The following ALDH7A1 variants were observed in gnomAD, a reference collection of about 807,000 sequenced individuals.
The protein encoded by ALDH7A1 is aldehyde dehydrogenase 7 family member A1.
In ALDH7A1, 63 loss-of-function variants were observed where a neutral mutation model predicts 79.9. The ratio of observed to expected loss-of-function variants is 0.79; its 90% CI spans 0.64 to 0.97. The LOEUF is 0.97. Among genes scored for constraint, ALDH7A1 ranks in the 50% least tolerant of loss-of-function variants. The pLI is 0.00. For missense variants in ALDH7A1, 627 were observed against 665.2 expected (o/e 0.94, Z 0.63); for synonymous variants, 240 against 231.2 (o/e 1.04, Z -0.34).
intron 5 of ALDH7A1, chr5:126,582,637 C>T: frequency 1.7e-6 from 1 of 586,358 alleles, no homozygotes; most frequent in Non-Finnish European, 2.9e-6. Context: ...CGTGGACTTG[C>T]CAACATTAAG....
chr5:126,570,605 T>C lies in ALDH7A1; in HGVS notation c.773+177A>G, dbSNP rs899153066. 8.7e-6 allele frequency: 6 copies of C among 685,768 alleles called. No individual in the cohort carries two copies. The African/African-American group carries it at 8.9e-5, about 10-fold the overall frequency. The allele number at this position is 685,768 out of a possible 1,614,324, so 42.5% of individuals were successfully genotyped here. On this transcript the variant is annotated intron_variant, in intron 8 of 17. Transcript: ENST00000409134. ...TTAAAAAGACAATTCTTATTCATCC[T>C]CCAATAGGAGTTAGGCATTAATAAA...
chr5:126,550,303 G>C lies in ALDH7A1; in HGVS notation c.1318-10C>G. 6.3e-7 allele frequency: 1 copy of C among 1,590,418 alleles called. No individual in the cohort carries two copies. The highest frequency in any genetic ancestry group is 8.6e-7 in the Non-Finnish European group (1 of 1,159,452). On this transcript the variant is annotated splice_polypyrimidine_tract_variant and intron_variant, in intron 14 of 17. Coordinates refer to ENST00000409134, the MANE Select transcript of ALDH7A1 (RefSeq NM_001182.5). ...AGACCTCTTCTTCATTCTAAAAGGA[G>C]AGACATTGGAAGCTGTAAGATGTTA...
At chr5:126,550,979 T>C (rs1749978597) in intron 14 of ALDH7A1, among the ~76,000 whole-genome samples, 1 of 152,246 alleles carries the variant, frequency 6.6e-6, no homozygotes, top group African/African-American at 2.4e-5. Flanking sequence ...TTCTAATTTA[T>C]CCACCTGTGT....
intron 9 of ALDH7A1, among the ~76,000 whole-genome samples, chr5:126,565,416 AAAAAAAG>A: frequency 6.6e-6 from 1 of 151,012 alleles, no homozygotes. Context: ...AAAAAAAAAA[AAAAAAAG>A]ACGGCTATTC....
chr5:126,591,521 G>T (rs778833470), intron 3 of ALDH7A1, among the ~76,000 whole-genome samples: 1 of 148,234 alleles, frequency 6.7e-6, no homozygotes, highest in Non-Finnish European at 1.5e-5. Flanking sequence ...TCCCTCAGCA[G>T]TCCCACACCC....
chr5:126,561,044 C>G, intron 10 of ALDH7A1, 39 bp downstream of exon 10: 1 of 1,610,746 alleles, frequency 6.2e-7, no homozygotes, highest in Non-Finnish European at 8.5e-7. Context: ...ACTGTGGAAA[C>G]TGAACAGAAA....
At chr5:126,552,249 A>G in intron 13 of ALDH7A1, 112 bp from the exon 14 acceptor site, 1 of 737,290 alleles carries the variant, frequency 1.4e-6, no homozygotes, top group Non-Finnish European at 2.3e-6. Context: ...AGCATCATTT[A>G]TAGGTGAATT....
rs1180194887 is a variant in ALDH7A1, at chr5:126,561,964, T to C, written c.872-840A>G. The C allele has an allele frequency of 1.3e-5, 2 of 152,076 alleles. 1 individual carries two copies. The highest frequency in any genetic ancestry group is 2.9e-5 in the Non-Finnish European group (2 of 68,034). The allele number at this position is 152,076 out of a possible 1,614,324, so 9.4% of individuals were successfully genotyped here. A position where few individuals can be genotyped will look rare whatever the true frequency, so the allele number is the denominator to read the frequency against. On this transcript the variant is annotated intron_variant, in intron 9 of 17. Transcript: ENST00000409134. The stretch of plus-strand genomic sequence containing the variant: ...CAGCCTGGCCAACAGAATGAGACTG[T>C]CTCAAGTAAGTAAATAAATAAATAA...
intron 9 of ALDH7A1, among the ~76,000 whole-genome samples, chr5:126,566,044 G>A (rs922804038): frequency 6.6e-6 from 1 of 152,300 alleles, no homozygotes; most frequent in South Asian, 2.1e-4. Flanking sequence ...TCTTTTTCAA[G>A]ATTGTTTTGG....
chr5:126,589,251 A>ACTGCAAGGTC (rs1171100727), intron 3 of ALDH7A1, among the ~76,000 whole-genome samples: 1 of 152,012 alleles, frequency 6.6e-6, no homozygotes, highest in Non-Finnish European at 1.5e-5. Flanking sequence ...TCGGCCTCCC[A>ACTGCAAGGTC]GGTTCAAGTG....
chr5:126,552,221 T>C, intron 13 of ALDH7A1, 84 bp from the exon 14 acceptor site: 1 of 980,500 alleles, frequency 1.0e-6, no homozygotes, highest in South Asian at 1.4e-5. Flanking sequence ...TTTGCCTACA[T>C]TTATAAAGAA....
intron 2 of ALDH7A1, among the ~76,000 whole-genome samples, chr5:126,593,112 T>C (rs149287408): frequency 9.2e-4 from 140 of 152,324 alleles, no homozygotes; most frequent in Middle Eastern, 3.4e-3. Context: ...TTTCTACGCT[T>C]CACCTTTTCT....
intron 17 of ALDH7A1, 82 bp downstream of exon 17, chr5:126,546,242 A>G: frequency 8.0e-7 from 1 of 1,243,092 alleles, no homozygotes. Flanking sequence ...CTGCACAAAG[A>G]CAGCACAGAC....
At chr5:126,571,054 C>G (rs1264930812) in intron 7 of ALDH7A1, 195 bp from the exon 8 acceptor site, 1 of 577,936 alleles carries the variant, frequency 1.7e-6, no homozygotes, top group Non-Finnish European at 3.1e-6. Flanking sequence ...CATTAAGAAC[C>G]CTCTTATACC....
At chr5:126,569,542 G>C (rs533210920) in intron 8 of ALDH7A1, 5 of 152,240 alleles carry the variant, frequency 3.3e-5, no homozygotes, top group African/African-American at 1.2e-4. Context: ...CAATTGCCTA[G>C]GTCAGTCTTC....
At chr5:126,554,208 A>G (rs1443095914) in intron 13 of ALDH7A1, 79 bp downstream of exon 13, 1 of 1,240,898 alleles carries the variant, frequency 8.1e-7, no homozygotes, top group East Asian at 2.3e-5. Context: ...GGCTTTTCCA[A>G]TATGCCCAGA....
At chr5:126,587,711 AG>A (rs1751400781) in intron 3 of ALDH7A1, 1 of 151,970 alleles carries the variant, frequency 6.6e-6, no homozygotes, top group African/African-American at 2.4e-5. Context: ...AACACAGTCA[AG>A]GTCAGCCAAA....
At chr5:126,553,470 T>G (rs889866355) in intron 13 of ALDH7A1, 4 of 152,250 alleles carry the variant, frequency 2.6e-5, no homozygotes, top group African/African-American at 9.6e-5. Flanking sequence ...TCCCAGCACT[T>G]TGGGAGGCCA....
At chr5:126,571,601 C>T (rs867002197) in intron 7 of ALDH7A1, among the ~76,000 whole-genome samples, 21 of 151,964 alleles carry the variant, frequency 1.4e-4, no homozygotes, top group Middle Eastern at 3.4e-3. Flanking sequence ...TATGAGGACA[C>T]ATCTGGTTCA....
Sources: allele counts gnomAD v4.1 joint callset (sites outside exome capture counted in the v4.1 genomes callset), GRCh38; gene constraint gnomAD v4.1.1; transcripts MANE v1.5; gene names NCBI Gene and HGNC (gene_info 2026-07-23, HGNC 2026-07-21).